Variants in NPTXR observed in about 807,000 individuals in gnomAD.
NPTXR encodes neuronal pentraxin receptor.
Under a neutral mutation model 32.2 loss-of-function variants are expected in NPTXR, and 12 were observed. The observed-to-expected ratio is 0.37, with a 90% CI of 0.24 to 0.60. The LOEUF is 0.60. NPTXR is among the 20% of genes least tolerant of loss of function. The pLI is 0.66. For synonymous variants in NPTXR, 323 were observed against 315.8 expected (o/e 1.02, Z -0.24); for missense variants, 612 against 682.9 (o/e 0.90, Z 1.16).
rs773964723 is a variant in NPTXR, at chr22:38,826,556, C to T, written c.1042G>A (p.Glu348Lys). 18 of 1,614,168 alleles carry T rather than the reference C, an allele frequency of 1.1e-5. No homozygotes were observed. The highest frequency in any genetic ancestry group is 3.3e-5 in the South Asian group (3 of 91,076). Residue 348 changes from glutamate (E) to lysine (K), a missense_variant, in exon 3 of 5, where the codon GAG becomes AAG. Physicochemically the swap from Glu to Lys is moderately conservative, Grantham distance 56 (BLOSUM62 1). Coordinates refer to ENST00000333039, the MANE Select transcript of NPTXR (RefSeq NM_014293.4). The stretch of plus-strand genomic sequence containing the variant: ...TGGCCCGCCTCTAGCAGTACAATCT[C>T]GTTGGCCTGCCCGGGCACTGAGTAG...
chr22:38,840,189 C>G (rs939310765), intron 1 of NPTXR, among the ~76,000 whole-genome samples: 1 of 151,896 alleles, frequency 6.6e-6, no homozygotes, highest in Non-Finnish European at 1.5e-5. Flanking sequence ...CTGGTGGGGA[C>G]CAGCAGGGAA....
chr22:38,822,986 A>G, intron 4 of NPTXR, 97 bp downstream of exon 4: 3 of 1,520,128 alleles, frequency 2.0e-6, no homozygotes, highest in South Asian at 1.2e-5. Context: ...CACCTTCAAG[A>G]TTCTAGTTCC....
intron 1 of NPTXR, among the ~76,000 whole-genome samples, chr22:38,830,320 G>A (rs2093114167): frequency 6.6e-6 from 1 of 152,226 alleles, no homozygotes; most frequent in African/African-American, 2.4e-5. Flanking sequence ...AGTGCCCAGA[G>A]CCTGGCCCAC....
At position 38,822,685 on chromosome 22, in the gene NPTXR, T is replaced by C. The variant is rs1297713817; in HGVS notation, c.1427A>G (p.Glu476Gly). The change falls in exon 5 of 5, where the codon GAA becomes GGA. Residue 476 changes from glutamate to glycine, a missense_variant. Coordinates refer to ENST00000333039, the MANE Select transcript of NPTXR (RefSeq NM_014293.4). Reference sequence around the variant, plus strand: ...CCCAAAGGCCTCCACCAACTTGTCTTCCCAGGGAAGGACGTTGCCCAGCAG... The same window carrying C: ...CCCAAAGGCCTCCACCAACTTGTCTCCCCAGGGAAGGACGTTGCCCAGCAG... 1 of 1,614,122 alleles carries C rather than the reference T, an allele frequency of 6.2e-7. No individual in the cohort carries two copies. The highest frequency in any genetic ancestry group is 1.3e-5 in the African/African-American group (1 of 75,044).
rs1015417805 is a variant in NPTXR, at chr22:38,819,145, T to A, written c.*3464A>T. The A allele has an allele frequency of 1.3e-5, 2 of 152,372 alleles. No individual in the cohort carries two copies. The highest frequency in any genetic ancestry group is 3.4e-3 in the Middle Eastern group (1 of 294). The allele number at this position is 152,372 out of a possible 1,614,324, so 9.4% of individuals were successfully genotyped here. A position where few individuals can be genotyped will look rare whatever the true frequency, so the allele number is the denominator to read the frequency against. On this transcript the variant is annotated 3_prime_UTR_variant, in exon 5 of 5. Coordinates refer to ENST00000333039, the MANE Select transcript of NPTXR (RefSeq NM_014293.4). ...CACCACATGCCACAAGATGGGAAGATCTGGCAGATAACAGCTGGGAAGCAA... is the reference window on the plus strand; with the variant it reads ...CACCACATGCCACAAGATGGGAAGAACTGGCAGATAACAGCTGGGAAGCAA...
Position 38,843,335 on chromosome 22 carries a change from C to A in NPTXR, c.524G>T (p.Arg175Leu), listed in dbSNP as rs764654952. The A allele has an allele frequency of 1.4e-6, 2 of 1,414,810 alleles. No homozygotes were observed. The highest frequency in any genetic ancestry group is 1.5e-5 in the African/African-American group (1 of 66,104). The allele number at this position is 1,414,810 out of a possible 1,614,324, so 87.6% of individuals were successfully genotyped here. ...GGGCCCGTCGGCCATGGTGTCGCGG[C>A]GGGGCCCGGCGCCCTGGAGGCCGCG... Residue 175 changes from arginine (R) to leucine (L), a missense_variant, in exon 1 of 5, where the codon CGC (arginine) becomes CTC (leucine). Physicochemically the swap from Arg to Leu is moderately radical, Grantham distance 102. Coordinates refer to ENST00000333039, the MANE Select transcript of NPTXR (RefSeq NM_014293.4). This position sits in a 1 kb window ranked among gnomAD's most constrained non-coding sequence, Gnocchi z 5.3.
At position 38,819,707 on chromosome 22, in the gene NPTXR, C is replaced by G. The variant is rs544852084; in HGVS notation, c.*2902G>C. 5 of 152,470 alleles carry G rather than the reference C, an allele frequency of 3.3e-5. No homozygotes were observed. Among genetic ancestry groups the G allele is most frequent in the African/African-American group, 1.2e-4 (5 of 41,574 alleles). The allele number at this position is 152,470 out of a possible 1,614,324, so 9.4% of individuals were successfully genotyped here. Reference sequence around the variant, plus strand: ...TGCCTGTGCCACACTCAGTGCAGTGCCAGATGGCAGGACAAACACGGGCTC... The same window carrying G: ...TGCCTGTGCCACACTCAGTGCAGTGGCAGATGGCAGGACAAACACGGGCTC... On this transcript the variant is annotated 3_prime_UTR_variant, in exon 5 of 5. Transcript: ENST00000333039.
At chr22:38,837,845 T>TTTTTATTTTA (rs10530407) in intron 1 of NPTXR, among the ~76,000 whole-genome samples, 1,817 of 139,982 alleles carry the variant, frequency 0.013, 69 homozygotes, top group African/African-American at 0.044. Flanking sequence ...TTATTTTTAT[T>TTTTTATTTTA]TTTTATTTTA....
chr22:38,819,283 GAA>G lies in NPTXR; in HGVS notation c.*3324_*3325del, dbSNP rs2093092864. On this transcript the variant is annotated 3_prime_UTR_variant, in exon 5 of 5. Transcript: ENST00000333039. ...TCCTTTTCTTTTTTGGCTCTCCTGT[GAA>G]CTCTAGCTGAGCTAAAGAAGGGCTG... 6.6e-6 allele frequency: 1 copy of G among 152,270 alleles called. No homozygotes were observed. The highest frequency in any genetic ancestry group is 1.5e-5 in the Non-Finnish European group (1 of 68,070). The allele number at this position is 152,270 out of a possible 1,614,324, so 9.4% of individuals were successfully genotyped here.
rs117170777 is a variant in NPTXR at position 38,823,064 on chromosome 22, A to G, written c.1278+19T>C. ...TGCACAATTAGGAGGTCCAGCCCCAATATCAGCCTGAGCCTTACCTGCTCC... is the reference window on the plus strand; with the variant it reads ...TGCACAATTAGGAGGTCCAGCCCCAGTATCAGCCTGAGCCTTACCTGCTCC... On this transcript the variant is annotated intron_variant, in intron 4 of 4. Transcript: ENST00000333039. 20,799 of 1,613,584 alleles carry G rather than the reference A, an allele frequency of 0.013. 164 individuals carry two copies. The highest frequency in any genetic ancestry group is 0.028 in the African/African-American group (2,131 of 74,976).
Position 38,826,589 on chromosome 22 carries a change from G to GGGT in NPTXR, c.1006_1008dup (p.Thr336dup), listed in dbSNP as rs1268269563. On this transcript the variant is annotated inframe_insertion, in exon 3 of 5. Coordinates refer to ENST00000333039, the MANE Select transcript of NPTXR (RefSeq NM_014293.4). Reference sequence around the variant, plus strand: ...TGCCCGGGCACTGAGTAGGAGAAGGGGGTGCCCTGGCCGGTGCCGCTGGAC... The same window carrying GGGT: ...TGCCCGGGCACTGAGTAGGAGAAGGGGGTGGTGCCCTGGCCGGTGCCGCTGGAC... 1.9e-6 allele frequency: 3 copies of GGGT among 1,614,248 alleles called. No individual in the cohort carries two copies. The South Asian group carries it at 3.3e-5, about 18-fold the overall frequency.
At position 38,834,600 on chromosome 22, in the gene NPTXR, T is replaced by TCACC. The variant is rs1555882956; in HGVS notation, c.625-6089_625-6088insGGTG. 1.4e-5 allele frequency among the ~76,000 whole-genome samples: 2 copies of TCACC among 147,304 alleles called. No individual in the cohort carries two copies. The highest frequency in any genetic ancestry group is 3.0e-5 in the Non-Finnish European group (2 of 66,750). On this transcript the variant is annotated intron_variant, in intron 1 of 4. Transcript: ENST00000333039. This position sits in a 1 kb window ranked among gnomAD's most constrained non-coding sequence, Gnocchi z 4.4. ...ACTCATCCATCCATCCATCCATCCA[T>TCACC]CATCCATCCATCCATCCATCCATCC...
In NPTXR at chr22:38,819,296, G is replaced by A. The variant is rs1214671289; in HGVS notation, c.*3313C>T. On this transcript the variant is annotated 3_prime_UTR_variant, in exon 5 of 5. Coordinates refer to ENST00000333039, the MANE Select transcript of NPTXR (RefSeq NM_014293.4). Reference sequence around the variant, plus strand: ...TGGCTCTCCTGTGAACTCTAGCTGAGCTAAAGAAGGGCTGAAGCTCTGGCC... The same window carrying A: ...TGGCTCTCCTGTGAACTCTAGCTGAACTAAAGAAGGGCTGAAGCTCTGGCC... The A allele has an allele frequency of 6.6e-6, 1 of 152,296 alleles. No homozygotes were observed. The highest frequency in any genetic ancestry group is 2.4e-5 in the African/African-American group (1 of 41,474). 9.4% of individuals were successfully genotyped at this position (152,296 alleles called of 1,614,324 possible). A position where few individuals can be genotyped will look rare whatever the true frequency, so the allele number is the denominator to read the frequency against.
In NPTXR at chr22:38,843,666, C is replaced by T. The variant is rs1019824100; in HGVS notation, c.193G>A (p.Ala65Thr). The change falls in exon 1 of 5, where the codon GCG (alanine) becomes ACG (threonine). Residue 65 changes from alanine (A) to threonine (T), a missense_variant. Transcript: ENST00000333039. This position sits in a 1 kb window ranked among gnomAD's most constrained non-coding sequence, Gnocchi z 5.3. ...GCGGGGGGCCCGGCTGAACCGCCCG[C>T]GCCGTGCAGCGCGCTCAGGCTCCGC... 9 of 1,019,218 alleles carry T rather than the reference C, an allele frequency of 8.8e-6. No homozygotes were observed. In the African/African-American group the frequency reaches 1.2e-4, roughly 14 times the overall value. 63.1% of individuals were successfully genotyped at this position (1,019,218 alleles called of 1,614,324 possible).
chr22:38,824,668 G>C (rs910312755), intron 3 of NPTXR, among the ~76,000 whole-genome samples: 16 of 152,218 alleles, frequency 1.1e-4, no homozygotes, highest in African/African-American at 3.6e-4. Flanking sequence ...GAGCGTCCCA[G>C]AACAGGGCTG....
At position 38,823,165 on chromosome 22, in the gene NPTXR, CCG is replaced by C. The variant is rs2093100896; in HGVS notation, c.1194_1195del (p.Asp398GlufsTer8). On this transcript the variant is annotated frameshift_variant, in exon 4 of 5. Transcript: ENST00000333039. LOFTEE classifies it high-confidence loss of function. The stretch of plus-strand genomic sequence containing the variant: ...GTTCTCACCGGAGCCCTGCAGCTCC[CCG>C]TCCTGGTAGGCAGACCATAGGCCAT... 7.4e-6 allele frequency: 12 copies of C among 1,614,010 alleles called. No individual in the cohort carries two copies. Among genetic ancestry groups the C allele is most frequent in the Non-Finnish European group, 1.0e-5 (12 of 1,180,012 alleles).
intron 1 of NPTXR, among the ~76,000 whole-genome samples, chr22:38,841,565 T>A (rs1193207017): frequency 6.6e-6 from 1 of 152,256 alleles, no homozygotes; most frequent in Non-Finnish European, 1.5e-5. Context: ...AGTCAAAAAT[T>A]GTTTTTTACA....
rs191178181 is a variant in NPTXR at position 38,838,184 on chromosome 22, G to A, written c.624+5051C>T. 2.7e-3 allele frequency among the ~76,000 whole-genome samples: 412 copies of A among 150,056 alleles called. 3 individuals carry two copies. The highest frequency in any genetic ancestry group is 0.01 in the African/African-American group (396 of 39,556). On this transcript the variant is annotated intron_variant, in intron 1 of 4. Coordinates refer to ENST00000333039, the MANE Select transcript of NPTXR (RefSeq NM_014293.4). The stretch of plus-strand genomic sequence containing the variant: ...TTTCAGAGACTTTTTAGAGCTGGAA[G>A]CATGTTTCGGGCGTATCTGGCCTGC...
At position 38,823,297 on chromosome 22, in the gene NPTXR, G is replaced by T. The variant is rs761422441; in HGVS notation, c.1099-35C>A. On this transcript the variant is annotated intron_variant, in intron 3 of 4. Transcript: ENST00000333039. ...GGTCCCCCAACCCCAGGTCAGAGGT[G>T]CCCCAAGGCCCAAGGCCCATGGCTG... The T allele has an allele frequency of 4.4e-6, 7 of 1,595,222 alleles. No individual in the cohort carries two copies. In the East Asian group the frequency reaches 1.6e-4, roughly 36 times the overall value.
Sources: allele counts gnomAD v4.1 joint callset (sites outside exome capture counted in the v4.1 genomes callset), GRCh38; gene constraint gnomAD v4.1.1; non-coding constraint Gnocchi (gnomAD v3.1); transcripts MANE v1.5; gene names NCBI Gene and HGNC (gene_info 2026-07-23, HGNC 2026-07-21).